BTBD2: variants seen among roughly 807,000 people sequenced by gnomAD.
The protein encoded by BTBD2 is BTB/POZ domain-containing protein 2.
Under a neutral mutation model 44.0 loss-of-function variants are expected in BTBD2, and 15 were observed. The ratio of observed to expected loss-of-function variants is 0.34; its 90% CI spans 0.23 to 0.53. The LOEUF (loss-of-function observed/expected upper bound fraction) is 0.53, where lower values mean the gene tolerates loss of function less well. Ranked by LOEUF, BTBD2 falls within the 20% of genes least tolerant of loss-of-function variation. The pLI is 0.95. For missense variants in BTBD2, 657 were observed against 746.4 expected, an observed-to-expected ratio of 0.88 and a Z score of 1.39; for synonymous variants, 443 against 335.9, an observed-to-expected ratio of 1.32 and a Z score of -3.49.
chr19:1,986,240 T>G lies in BTBD2; in HGVS notation c.*248A>C, dbSNP rs1337256503. On this transcript the variant is annotated 3_prime_UTR_variant, in exon 9 of 9. Transcript: ENST00000255608. ...GCCGGCACAGCCCTGTCCCTAGTCC[T>G]GAGGGATTGTCTCCACAGGGCCTGG... 5.5e-6 allele frequency: 3 copies of G among 547,740 alleles called. No individual in the cohort carries two copies. Among genetic ancestry groups the G allele is most frequent in the Non-Finnish European group, 9.8e-6 (3 of 305,540 alleles). The allele number at this position is 547,740 out of a possible 1,614,324, so 33.9% of individuals were successfully genotyped here. A position where few individuals can be genotyped will look rare whatever the true frequency, so the allele number is the denominator to read the frequency against.
Position 2,011,193 on chromosome 19 carries a change from C to T in BTBD2, c.407+4104G>A, listed in dbSNP as rs1362356179. On this transcript the variant is annotated intron_variant, in intron 1 of 8. Coordinates refer to ENST00000255608, the MANE Select transcript of BTBD2 (RefSeq NM_017797.4). ...ATGCTCCAGCCAGAAGTCTGGGGAC[C>T]CCCACCACAGCCCCCCACGCCCTCA... 2.0e-5 allele frequency among the ~76,000 whole-genome samples: 3 copies of T among 152,068 alleles called. No homozygotes were observed. The South Asian group carries it at 6.2e-4, about 32-fold the overall frequency.
At chr19:1,993,326 TTCCA>T in intron 2 of BTBD2, 150 bp from the exon 3 acceptor site, 2 of 1,196,292 alleles carry the variant, frequency 1.7e-6, no homozygotes, top group Non-Finnish European at 2.3e-6. Context: ...CCGAGGAACC[TTCCA>T]GAATTAGCCC....
chr19:1,997,048 C>T (rs887404900), intron 2 of BTBD2, among the ~76,000 whole-genome samples: 1 of 151,854 alleles, frequency 6.6e-6, no homozygotes, highest in Non-Finnish European at 1.5e-5. Flanking sequence ...GGCGTGGTGG[C>T]ACGAGCCTGT....
chr19:2,011,209 C>G (rs762113000), intron 1 of BTBD2, among the ~76,000 whole-genome samples: 1 of 152,084 alleles, frequency 6.6e-6, no homozygotes, highest in South Asian at 2.1e-4. Context: ...CACAGCCCCC[C>G]ACGCCCTCAC....
rs952584449 is a variant in BTBD2, at chr19:1,990,105, C to T, written c.887G>A (p.Arg296Gln). Residue 296 changes from arginine (R) to glutamine (Q), a missense_variant, in exon 5 of 9, where the codon CGG becomes CAG. By Grantham distance (43) the Arg-to-Gln change is conservative. This residue lies in a region of BTBD2 where 449 missense variants were observed against 510.9 expected (regional missense o/e 0.88). Coordinates refer to ENST00000255608, the MANE Select transcript of BTBD2 (RefSeq NM_017797.4). ...CTCTGGCGTCACCTGCAGCTGCTGC[C>T]GCTGACACTCGGCCTCGGACCAGCG... ...VVRWSEAECQ[R>Q]QQLQVTPENR... is the part of the protein sequence containing the mutation. 6.2e-6 allele frequency: 10 copies of T among 1,612,854 alleles called. No individual in the cohort carries two copies. The highest frequency in any genetic ancestry group is 4.5e-5 in the East Asian group (2 of 44,894).
intron 1 of BTBD2, among the ~76,000 whole-genome samples, chr19:1,999,706 A>T (rs951498634): frequency 6.6e-6 from 1 of 151,918 alleles, no homozygotes; most frequent in Non-Finnish European, 1.5e-5. Context: ...CACGCCTGTA[A>T]TCCCACCACT....
intron 4 of BTBD2, 79 bp from the exon 5 acceptor site, chr19:1,990,280 G>A: frequency 6.8e-7 from 1 of 1,475,784 alleles, no homozygotes; most frequent in East Asian, 2.5e-5. Flanking sequence ...CTAACGTGAG[G>A]ACCAGCAGTT....
intron 3 of BTBD2, chr19:1,991,187 G>A (rs1412110357): frequency 4.8e-6 from 1 of 209,716 alleles, no homozygotes; most frequent in East Asian, 1.5e-4. Flanking sequence ...AGGTGAGGTG[G>A]CCGGGGCCGA....
intron 1 of BTBD2, among the ~76,000 whole-genome samples, chr19:2,014,863 G>T (rs993768587): frequency 2.0e-5 from 3 of 151,618 alleles, no homozygotes; most frequent in Admixed American, 6.6e-5. Context: ...GCAAGCCAGA[G>T]GTGGAGGATC....
intron 1 of BTBD2, among the ~76,000 whole-genome samples, chr19:1,998,744 A>AG (rs2016285264): frequency 2.6e-5 from 4 of 152,108 alleles, no homozygotes; most frequent in Admixed American, 6.5e-5. Flanking sequence ...ATGGCCTCCC[A>AG]GGGGGCTGAG....
intron 1 of BTBD2, among the ~76,000 whole-genome samples, chr19:1,999,968 CAAAAAAAA>C (rs5826753): frequency 1.5e-4 from 16 of 104,884 alleles, no homozygotes. Flanking sequence ...GACTCCACCT[CAAAAAAAA>C]AAAAAAAAAG....
At chr19:2,004,049 G>C (rs57014166) in intron 1 of BTBD2, among the ~76,000 whole-genome samples, 21,839 of 151,700 alleles carry the variant, frequency 0.14, 1,771 homozygotes, top group East Asian at 0.3. Context: ...CCTTTGGAAA[G>C]GCTCATCAGA....
intron 1 of BTBD2, among the ~76,000 whole-genome samples, chr19:2,012,021 A>AT (rs997187087): frequency 1.5e-4 from 23 of 149,752 alleles, no homozygotes; most frequent in African/African-American, 2.5e-4. Flanking sequence ...CACCCGGCTA[A>AT]TTTTTTGTAT....
intron 1 of BTBD2, among the ~76,000 whole-genome samples, chr19:2,002,116 C>T (rs1568220189): frequency 6.6e-6 from 1 of 152,110 alleles, no homozygotes; most frequent in Non-Finnish European, 1.5e-5. Flanking sequence ...TGGTCTCACT[C>T]TGTCACCCAG....
chr19:2,002,116 C>CT (rs1164739427), intron 1 of BTBD2, among the ~76,000 whole-genome samples: 1 of 152,110 alleles, frequency 6.6e-6, no homozygotes, highest in Non-Finnish European at 1.5e-5. Context: ...TGGTCTCACT[C>CT]TGTCACCCAG....
Position 2,015,699 on chromosome 19 carries a change from G to A in BTBD2, c.5C>T (p.Ala2Val). The change falls in exon 1 of 9, where the codon GCG (alanine) becomes GTG (valine). Residue 2 changes from alanine (A) to valine (V), a missense_variant. Ala to Val is a moderately conservative substitution (Grantham distance 64). This residue lies in a region of BTBD2 where 191 missense variants were observed against 188.5 expected (regional missense o/e 1.01). Transcript: ENST00000255608. The part of the protein sequence containing the change: M[A>V]AGGSGGRASC... ...CGCACGCCCGCCGCTCCCACCCGCC[G>A]CCATTTTGTGGCTGCGGCGTGGGCG... 1 of 966,928 alleles carries A rather than the reference G, an allele frequency of 1.0e-6. No individual in the cohort carries two copies. 59.9% of individuals were successfully genotyped at this position (966,928 alleles called of 1,614,324 possible). A position where few individuals can be genotyped will look rare whatever the true frequency, so the allele number is the denominator to read the frequency against.
At position 1,985,901 on chromosome 19, in the gene BTBD2, A is replaced by G. The variant is rs996777211; in HGVS notation, c.*587T>C. 4 of 154,194 alleles carry G rather than the reference A, an allele frequency of 2.6e-5. No homozygotes were observed. Among genetic ancestry groups the G allele is most frequent in the Non-Finnish European group, 4.3e-5 (3 of 69,450 alleles). The allele number at this position is 154,194 out of a possible 1,614,324, so 9.6% of individuals were successfully genotyped here. A position where few individuals can be genotyped will look rare whatever the true frequency, so the allele number is the denominator to read the frequency against. The stretch of plus-strand genomic sequence containing the variant: ...CCTATCCGGCAGGGGCCGTCCCCAC[A>G]CTGAATCCTGCGTGCGCAGAACTCA... On this transcript the variant is annotated 3_prime_UTR_variant, in exon 9 of 9. Coordinates refer to ENST00000255608, the MANE Select transcript of BTBD2 (RefSeq NM_017797.4).
intron 1 of BTBD2, among the ~76,000 whole-genome samples, chr19:2,006,910 T>C (rs746863169): frequency 3.3e-4 from 50 of 152,034 alleles, no homozygotes; most frequent in Non-Finnish European, 6.5e-4. Flanking sequence ...CAGGCTGGAG[T>C]GCAGTGACGC....
intron 1 of BTBD2, among the ~76,000 whole-genome samples, chr19:1,999,122 TC>T (rs1568218763): frequency 6.6e-6 from 1 of 151,910 alleles, no homozygotes; most frequent in Non-Finnish European, 1.5e-5. Context: ...CTCGCTCTCC[TC>T]CCACCACACG....
Sources: allele counts gnomAD v4.1 joint callset (sites outside exome capture counted in the v4.1 genomes callset), GRCh38; gene constraint gnomAD v4.1.1; regional missense constraint gnomAD v4.1.1; transcripts MANE v1.5; gene names NCBI Gene and HGNC (gene_info 2026-07-23, HGNC 2026-07-21).